SORCS3: variants seen among roughly 807,000 people sequenced by gnomAD.
SORCS3 encodes sortilin related VPS10 domain containing receptor 3, also known as VPS10 domain-containing receptor SorCS3.
Under a neutral mutation model 146.3 loss-of-function variants are expected in SORCS3, and 57 were observed. The observed-to-expected ratio is 0.39, with a 90% CI of 0.31 to 0.49. SORCS3 has a LOEUF of 0.49. SORCS3 is among the 20% of genes least tolerant of loss of function. SORCS3 has a pLI of 0.92. For synonymous variants in SORCS3, 653 were observed against 618.5 expected (o/e 1.06, Z -0.83); for missense variants, 1,341 against 1,575.5 (o/e 0.85, Z 2.52).
intron 19 of SORCS3, 55 bp downstream of exon 19, chr10:105,217,177 C>A: frequency 6.4e-7 from 1 of 1,569,374 alleles, no homozygotes. Context: ...GCAACTTGCT[C>A]TGTTCAGACT....
chr10:104,641,741 C>T lies in SORCS3; in HGVS notation c.414C>T (p.Ile138=), dbSNP rs2015420405. 2 of 1,545,108 alleles carry T rather than the reference C, an allele frequency of 1.3e-6. No homozygotes were observed. The highest frequency in any genetic ancestry group is 1.4e-5 in the African/African-American group (1 of 72,614). ...ARRSRRAQPP[I]TQERGDAWAT... Reference sequence around the variant, plus strand: ...GGAGTCGCCGGGCGCAGCCCCCAATCACCCAGGAACGCGGGGACGCCTGGG... The same window carrying T: ...GGAGTCGCCGGGCGCAGCCCCCAATTACCCAGGAACGCGGGGACGCCTGGG... The change falls in exon 1 of 27, where the codon ATC becomes ATT. Residue 138 remains isoleucine (I), a synonymous_variant. Transcript: ENST00000369701. This position sits in a 1 kb window ranked among gnomAD's most constrained non-coding sequence, Gnocchi z 6.4.
intron 7 of SORCS3, among the ~76,000 whole-genome samples, chr10:105,109,160 G>A (rs1045932272): frequency 6.6e-6 from 1 of 152,042 alleles, no homozygotes. Context: ...TACAAAATCA[G>A]TGTATTTCCT....
At chr10:104,882,621 T>A (rs568443507) in intron 2 of SORCS3, among the ~76,000 whole-genome samples, 1 of 152,184 alleles carries the variant, frequency 6.6e-6, no homozygotes, top group African/African-American at 2.4e-5. Context: ...GTTTATGGAT[T>A]TGACCCAACA....
chr10:104,905,829 C>T (rs548502324), intron 2 of SORCS3, among the ~76,000 whole-genome samples: 14 of 152,316 alleles, frequency 9.2e-5, no homozygotes, highest in African/African-American at 3.4e-4. Context: ...GAGACACTCT[C>T]TTCTCTCCCG....
chr10:105,116,120 T>C (rs1480400580), intron 7 of SORCS3, among the ~76,000 whole-genome samples: 1 of 152,234 alleles, frequency 6.6e-6, no homozygotes, highest in Non-Finnish European at 1.5e-5. Flanking sequence ...GTATTTGAAA[T>C]ACTTCTATGA....
chr10:105,138,204 C>G (rs1252291909), intron 7 of SORCS3, among the ~76,000 whole-genome samples: 2 of 152,150 alleles, frequency 1.3e-5, no homozygotes, highest in African/African-American at 4.8e-5. Context: ...CAAGTTTTTC[C>G]AAGTCTCTGC....
chr10:104,939,736 G>A lies in SORCS3; in HGVS notation c.795+23804G>A, dbSNP rs150429443. On this transcript the variant is annotated intron_variant, in intron 3 of 26. Coordinates refer to ENST00000369701, the MANE Select transcript of SORCS3 (RefSeq NM_014978.3). ...TGACTCTGGTCCAAATAGCCCAAGG[G>A]CAAGACTAGAAGGGATTTGGGCATG... Among the ~76,000 whole-genome samples the A allele has an allele frequency of 2.6e-5, 4 of 152,280 alleles. No individual in the cohort carries two copies. In the East Asian group the frequency reaches 7.7e-4, roughly 29 times the overall value.
intron 2 of SORCS3, among the ~76,000 whole-genome samples, chr10:104,865,689 G>A (rs1034463035): frequency 5.9e-5 from 9 of 152,160 alleles, no homozygotes; most frequent in South Asian, 2.1e-4. Flanking sequence ...GCTTTCACCC[G>A]GGAGAAACCC....
chr10:105,124,068 C>G (rs1217297977), intron 7 of SORCS3, among the ~76,000 whole-genome samples: 1 of 152,140 alleles, frequency 6.6e-6, no homozygotes, highest in African/African-American at 2.4e-5. Flanking sequence ...TCTTCCTTCC[C>G]CCTTTCTAAA....
chr10:105,015,718 G>A (rs1030645026), intron 4 of SORCS3, among the ~76,000 whole-genome samples: 1 of 151,902 alleles, frequency 6.6e-6, no homozygotes, highest in Non-Finnish European at 1.5e-5. Context: ...AAGAAGTAAG[G>A]TTCTACTTCT....
In SORCS3 at chr10:104,920,176, G is replaced by C. The variant is rs137943227; in HGVS notation, c.795+4244G>C. Among the ~76,000 whole-genome samples the C allele has an allele frequency of 3.8e-3, 586 of 152,300 alleles. 2 individuals carry two copies. The highest frequency in any genetic ancestry group is 4.4e-3 in the Non-Finnish European group (296 of 68,030). ...TCTCGTGGATTTTTGAGTTCATCTTGTAGAAGCACTTGCTTTTCACCTAAT... is the reference window on the plus strand; with the variant it reads ...TCTCGTGGATTTTTGAGTTCATCTTCTAGAAGCACTTGCTTTTCACCTAAT... On this transcript the variant is annotated intron_variant, in intron 3 of 26. Transcript: ENST00000369701.
intron 5 of SORCS3, among the ~76,000 whole-genome samples, chr10:105,081,014 A>G (rs2055621350): frequency 6.6e-6 from 1 of 152,234 alleles, no homozygotes; most frequent in Admixed American, 6.5e-5. Flanking sequence ...GGTAATGGAT[A>G]TGTTAATTAA....
intron 6 of SORCS3, among the ~76,000 whole-genome samples, chr10:105,092,322 G>C (rs1486612242): frequency 6.6e-6 from 1 of 152,118 alleles, no homozygotes; most frequent in Non-Finnish European, 1.5e-5. Flanking sequence ...TTAGGTTAAA[G>C]TATAGAATAT....
At chr10:105,255,091 G>A (rs1015472128) in intron 23 of SORCS3, among the ~76,000 whole-genome samples, 2 of 151,418 alleles carry the variant, frequency 1.3e-5, no homozygotes, top group Non-Finnish European at 2.9e-5. Context: ...AGGAGGCTGA[G>A]GCAGGAGAAT....
Position 105,050,690 on chromosome 10 carries a change from G to A in SORCS3, c.1028+7562G>A, listed in dbSNP as rs187071648. Among the ~76,000 whole-genome samples the A allele has an allele frequency of 5.3e-5, 8 of 152,196 alleles. No individual in the cohort carries two copies. In the East Asian group the frequency reaches 9.7e-4, roughly 18 times the overall value. On this transcript the variant is annotated intron_variant, in intron 5 of 26. Coordinates refer to ENST00000369701, the MANE Select transcript of SORCS3 (RefSeq NM_014978.3). ...ACCAACAGAAACAGTGAGACAATAC[G>A]TATTTGTTGTTTTTAGCTCCTAAGT...
intron 1 of SORCS3, among the ~76,000 whole-genome samples, chr10:104,653,624 T>G (rs927102488): frequency 6.6e-6 from 1 of 152,198 alleles, no homozygotes; most frequent in Middle Eastern, 3.2e-3. Context: ...GGTCACCCAG[T>G]GCTTGGGAGA....
intron 20 of SORCS3, among the ~76,000 whole-genome samples, chr10:105,235,147 G>A (rs2056786047): frequency 6.6e-6 from 1 of 152,054 alleles, no homozygotes; most frequent in African/African-American, 2.4e-5. Flanking sequence ...CCACATGGAA[G>A]GATAAAGTGG....
chr10:104,885,800 C>G (rs1176835386), intron 2 of SORCS3, among the ~76,000 whole-genome samples: 1 of 152,054 alleles, frequency 6.6e-6, no homozygotes, highest in Non-Finnish European at 1.5e-5. Flanking sequence ...GACATTTTTC[C>G]TTAATAGTTC....
chr10:104,718,167 T>C, intron 1 of SORCS3, among the ~76,000 whole-genome samples: 1 of 151,234 alleles, frequency 6.6e-6, no homozygotes, highest in Admixed American at 6.6e-5. Flanking sequence ...AATAAATAAA[T>C]GAATAAATAA....
Sources: gnomAD v4.1 joint callset for allele counts (sites outside exome capture counted in the v4.1 genomes callset) on GRCh38, gnomAD v4.1.1 for gene constraint, Gnocchi (gnomAD v3.1) non-coding constraint, MANE v1.5 for transcripts, NCBI Gene and HGNC (gene_info 2026-07-23, HGNC 2026-07-21) for gene names.